SH3YL1: variants seen among roughly 807,000 people sequenced by gnomAD.
SH3YL1 encodes SH3 and SYLF domain containing 1.
In SH3YL1, 41 loss-of-function variants were observed where a neutral mutation model predicts 45.8. The ratio of observed to expected loss-of-function variants is 0.89; its 90% CI spans 0.70 to 1.16. The LOEUF is 1.16. Ranked by LOEUF, SH3YL1 falls within the 50% of genes most tolerant of loss-of-function variation. SH3YL1 has a pLI of 0.00. For synonymous variants in SH3YL1, 152 were observed against 151.4 expected (o/e 1.00, Z -0.03); for missense variants, 389 against 409.6 (o/e 0.95, Z 0.43).
intron 2 of SH3YL1, among the ~76,000 whole-genome samples, chr2:251,746 C>T (rs912144128): frequency 6.6e-6 from 1 of 152,140 alleles, no homozygotes; most frequent in Non-Finnish European, 1.5e-5. Flanking sequence ...AGCAGTAAGG[C>T]TCTAACAAGC....
chr2:231,017 C>T lies in SH3YL1; in HGVS notation c.702+6G>A, dbSNP rs367873199. 8.2e-5 allele frequency: 132 copies of T among 1,613,552 alleles called. No individual in the cohort carries two copies. The highest frequency in any genetic ancestry group is 1.3e-4 in the Admixed American group (8 of 59,990). On this transcript the variant is annotated splice_donor_region_variant and intron_variant, in intron 7 of 9. Transcript: ENST00000356150. ...ATACTGAGTGAAACATAAAACCAAACGGTACAGAAGACTTCCTCTGCTCCC... is the reference window on the plus strand; with the variant it reads ...ATACTGAGTGAAACATAAAACCAAATGGTACAGAAGACTTCCTCTGCTCCC...
At chr2:261,215 T>C (rs1246945421) in intron 1 of SH3YL1, 1 of 152,192 alleles carries the variant, frequency 6.6e-6, no homozygotes, top group African/African-American at 2.4e-5. Context: ...GGCTCACCCA[T>C]TTTTCCTCTG....
chr2:229,500 C>G (rs1054677846), intron 8 of SH3YL1, among the ~76,000 whole-genome samples: 7 of 151,812 alleles, frequency 4.6e-5, no homozygotes, highest in Non-Finnish European at 7.4e-5. Context: ...GAGGCCGAGG[C>G]GGGCAGATCA....
intron 6 of SH3YL1, 26 bp from the exon 7 acceptor site, chr2:231,217 C>T: frequency 2.0e-6 from 3 of 1,514,774 alleles, no homozygotes; most frequent in Non-Finnish European, 2.7e-6. Context: ...AAATTAAAAA[C>T]ATTTTAATAT....
At chr2:225,436 A>G (rs1667752970) in intron 8 of SH3YL1, among the ~76,000 whole-genome samples, 1 of 152,330 alleles carries the variant, frequency 6.6e-6, no homozygotes, top group South Asian at 2.1e-4. Context: ...CTTGCACATC[A>G]TGTTCAGCTT....
intron 1 of SH3YL1, among the ~76,000 whole-genome samples, chr2:257,250 T>A (rs773977700): frequency 1.2e-4 from 19 of 152,208 alleles, no homozygotes; most frequent in Non-Finnish European, 8.8e-5. Context: ...GTCCCATTTG[T>A]CAATTTTTGT....
intron 1 of SH3YL1, 193 bp downstream of exon 1, chr2:263,791 T>TCAAAATCAAA (rs1558258401): frequency 2.0e-5 from 10 of 489,484 alleles, no homozygotes; most frequent in Non-Finnish European, 3.3e-5. Context: ...GTGGCTAAAC[T>TCAAAATCAAA]TCAATCAAAA....
chr2:237,821 CA>C (rs530025640), intron 4 of SH3YL1, among the ~76,000 whole-genome samples: 293 of 148,508 alleles, frequency 2.0e-3, no homozygotes, highest in Middle Eastern at 6.9e-3. Flanking sequence ...CACTATAAAT[CA>C]AAAAAAAAAT....
chr2:245,325 G>C (rs1668749129), intron 4 of SH3YL1, among the ~76,000 whole-genome samples: 1 of 152,168 alleles, frequency 6.6e-6, no homozygotes, highest in African/African-American at 2.4e-5. Flanking sequence ...AAAGTTAATA[G>C]TTATGTTATT....
intron 9 of SH3YL1, chr2:222,586 G>A (rs1418132559): frequency 6.6e-6 from 1 of 152,180 alleles, no homozygotes; most frequent in Admixed American, 6.5e-5. Context: ...GACGCTGGAG[G>A]GTCCAAGCTT....
intron 4 of SH3YL1, among the ~76,000 whole-genome samples, chr2:246,678 G>A (rs1668828583): frequency 6.6e-6 from 1 of 152,138 alleles, no homozygotes. Flanking sequence ...TTCCACCAGA[G>A]GGCGATATTT....
At chr2:234,381 T>C (rs1265899351) in intron 4 of SH3YL1, 109 bp from the exon 5 acceptor site, 2 of 732,036 alleles carry the variant, frequency 2.7e-6, no homozygotes, top group East Asian at 2.7e-5. Context: ...AAAACATCAA[T>C]AGAGACAGGA....
At chr2:243,673 T>C (rs1572165177) in intron 4 of SH3YL1, 1 of 1,228,500 alleles carries the variant, frequency 8.1e-7, no homozygotes, top group Non-Finnish European at 1.1e-6. Context: ...CCTTTCCCCT[T>C]CTTTCCCTTA....
intron 2 of SH3YL1, among the ~76,000 whole-genome samples, chr2:250,406 T>C (rs1276840423): frequency 6.6e-6 from 1 of 152,246 alleles, no homozygotes; most frequent in Non-Finnish European, 1.5e-5. Context: ...TGATCTGCTA[T>C]AGCATTTGAG....
At chr2:243,710 A>T (rs1013327542) in intron 4 of SH3YL1, 5 of 880,600 alleles carry the variant, frequency 5.7e-6, no homozygotes, top group Non-Finnish European at 8.3e-6. Context: ...CCCCGGAAGA[A>T]CATTTGCTCA....
rs555022956 is a variant in SH3YL1, at chr2:218,739, G to A, written c.*72C>T. 3.2e-6 allele frequency: 4 copies of A among 1,250,420 alleles called. No individual in the cohort carries two copies. In the East Asian group the frequency reaches 7.3e-5, roughly 23 times the overall value. The allele number at this position is 1,250,420 out of a possible 1,614,324, so 77.5% of individuals were successfully genotyped here. On this transcript the variant is annotated 3_prime_UTR_variant, in exon 10 of 10. Coordinates refer to ENST00000356150, the MANE Select transcript of SH3YL1 (RefSeq NM_015677.4). ...TTTTTTAAAATTTATATTAAACATTGCTTAACTAGTAAATCCTGTCAGTGT... is the reference window on the plus strand; with the variant it reads ...TTTTTTAAAATTTATATTAAACATTACTTAACTAGTAAATCCTGTCAGTGT...
In SH3YL1 at chr2:231,067, G is replaced by C. The variant is rs148344066; in HGVS notation, c.658C>G (p.Arg220Gly). 3.7e-6 allele frequency: 6 copies of C among 1,613,926 alleles called. No individual in the cohort carries two copies. The African/African-American group carries it at 8.0e-5, about 22-fold the overall frequency. Reference sequence around the variant, plus strand: ...CTTGCTGCTTTTCTTGCATTGATTCGTTGTCCTTCATTTTCATACTTTTCA... The same window carrying C: ...CTTGCTGCTTTTCTTGCATTGATTCCTTGTCCTTCATTTTCATACTTTTCA... ...FTEKYENEGQ[R>G]INARKAAREQ... The change falls in exon 7 of 10, where the codon CGA (arginine) becomes GGA (glycine). Residue 220 changes from arginine (R) to glycine (G), a missense_variant. Physicochemically the swap from Arg to Gly is moderately radical, Grantham distance 125. Transcript: ENST00000356150.
intron 2 of SH3YL1, 60 bp downstream of exon 2, chr2:252,945 C>CA: frequency 2.7e-6 from 3 of 1,091,836 alleles, no homozygotes; most frequent in Non-Finnish European, 4.0e-6. Context: ...TCGAACAATG[C>CA]AAAAAACAAC....
chr2:253,586 C>T (rs748787617), intron 1 of SH3YL1, among the ~76,000 whole-genome samples: 2 of 152,190 alleles, frequency 1.3e-5, no homozygotes, highest in African/African-American at 4.8e-5. Flanking sequence ...CCGGGAATTG[C>T]CCACCCCTTT....
Sources: allele counts gnomAD v4.1 joint callset (sites outside exome capture counted in the v4.1 genomes callset), GRCh38; gene constraint gnomAD v4.1.1; transcripts MANE v1.5; gene names NCBI Gene and HGNC (gene_info 2026-07-23, HGNC 2026-07-21).